The following ARK2N variants were observed in gnomAD, a reference collection of about 807,000 sequenced individuals.
The protein encoded by ARK2N is arkadia (RNF111) N-terminal like PKA signaling regulator 2N.
At chr18:46,228,759 C>T in the ARK2N span, 9 of 398,382 alleles carry the variant, frequency 2.3e-5, no homozygotes, top group Middle Eastern at 6.3e-4. Flanking sequence ...TTTGTAGGGA[C>T]GGGGTTCTGT....
the ARK2N span, among the ~76,000 whole-genome samples, chr18:46,250,321 A>C: frequency 6.6e-6 from 1 of 152,066 alleles, no homozygotes; most frequent in African/African-American, 2.4e-5. Flanking sequence ...TATTGGACAT[A>C]TTAAAGGCAC....
At chr18:46,220,362 T>TG in the ARK2N span, among the ~76,000 whole-genome samples, 2 of 152,240 alleles carry the variant, frequency 1.3e-5, no homozygotes, top group Non-Finnish European at 2.9e-5. Flanking sequence ...ATTTATGCAG[T>TG]GAGCTGCATC....
chr18:46,199,083 A>G, the ARK2N span, among the ~76,000 whole-genome samples: 1 of 152,184 alleles, frequency 6.6e-6, no homozygotes, highest in Non-Finnish European at 1.5e-5. Flanking sequence ...GCACGCAAAG[A>G]TTATGGATTT....
the ARK2N span, among the ~76,000 whole-genome samples, chr18:46,205,042 G>A: frequency 6.6e-6 from 1 of 151,648 alleles, no homozygotes; most frequent in South Asian, 2.1e-4. Context: ...CTCCTAGCTG[G>A]GACTACAGGA....
the ARK2N span, chr18:46,219,207 GA>G: frequency 6.6e-6 from 1 of 151,998 alleles, no homozygotes; most frequent in Admixed American, 6.6e-5. Flanking sequence ...TGTTTATGAC[GA>G]TTTTTTAAAG....
the ARK2N span, among the ~76,000 whole-genome samples, chr18:46,189,346 T>A: frequency 4.6e-5 from 7 of 152,298 alleles, no homozygotes; most frequent in Admixed American, 3.9e-4. Flanking sequence ...GTGCTTTTAT[T>A]TACACAAAAG....
the ARK2N span, among the ~76,000 whole-genome samples, chr18:46,192,325 G>A: frequency 4.6e-5 from 7 of 152,078 alleles, no homozygotes; most frequent in Admixed American, 4.6e-4. Context: ...TGTAATCCCA[G>A]CAATATGGGA....
the ARK2N span, among the ~76,000 whole-genome samples, chr18:46,196,778 A>C: frequency 2.0e-5 from 3 of 152,290 alleles, no homozygotes; most frequent in East Asian, 5.8e-4. Flanking sequence ...TTGAGGCTTC[A>C]GTTATTTGTA....
At chr18:46,200,979 C>CTTTTTTTCT in the ARK2N span, among the ~76,000 whole-genome samples, 1 of 112,862 alleles carries the variant, frequency 8.9e-6, no homozygotes, top group African/African-American at 3.1e-5. Flanking sequence ...TTTCTTTTTT[C>CTTTTTTTCT]TTTTTTTTTT....
the ARK2N span, among the ~76,000 whole-genome samples, chr18:46,233,966 GAAGAA>G: frequency 6.6e-6 from 1 of 152,032 alleles, no homozygotes; most frequent in Admixed American, 6.6e-5. Flanking sequence ...ATGTTATTCT[GAAGAA>G]AATAATACAC....
At chr18:46,263,129 C>T in the ARK2N span, 3 of 1,589,830 alleles carry the variant, frequency 1.9e-6, no homozygotes, top group African/African-American at 1.3e-5. Flanking sequence ...TACAATGTCA[C>T]TGTGTTTCCT....
chr18:46,225,192 C>T, the ARK2N span, among the ~76,000 whole-genome samples: 1 of 152,248 alleles, frequency 6.6e-6, no homozygotes, highest in Non-Finnish European at 1.5e-5. Flanking sequence ...TTTTCCCTGT[C>T]ACCCCATCAA....
the ARK2N span, among the ~76,000 whole-genome samples, chr18:46,185,559 A>G: frequency 6.6e-6 from 1 of 152,238 alleles, no homozygotes; most frequent in African/African-American, 2.4e-5. Context: ...TTTTGTGACA[A>G]TTGCTAAAGC....
At chr18:46,179,068 G>C in the ARK2N span, among the ~76,000 whole-genome samples, 1 of 151,594 alleles carries the variant, frequency 6.6e-6, no homozygotes, top group Non-Finnish European at 1.5e-5. Flanking sequence ...TCAGCCTCCC[G>C]AGTAGCTGGG....
the ARK2N span, among the ~76,000 whole-genome samples, chr18:46,185,793 C>A: frequency 2.0e-5 from 3 of 151,574 alleles, no homozygotes; most frequent in Non-Finnish European, 3.0e-5. Context: ...TTGAGACCAG[C>A]CTGGCCAACA....
the ARK2N span, among the ~76,000 whole-genome samples, chr18:46,258,435 G>A: frequency 1.1e-4 from 16 of 152,224 alleles, no homozygotes; most frequent in East Asian, 9.7e-4. Flanking sequence ...AAAGTTGACC[G>A]TCAGAGCCTG....
chr18:46,225,169 G>A, the ARK2N span, among the ~76,000 whole-genome samples: 1 of 152,234 alleles, frequency 6.6e-6, no homozygotes, highest in African/African-American at 2.4e-5. Flanking sequence ...GATGCAACTA[G>A]TTGGCCAAAG....
chr18:46,203,147 A>G, the ARK2N span, among the ~76,000 whole-genome samples: 2 of 152,344 alleles, frequency 1.3e-5, no homozygotes, highest in Middle Eastern at 3.4e-3. Flanking sequence ...GGGTATATAT[A>G]CAACAGAAAC....
chr18:46,256,381 A>G, the ARK2N span, among the ~76,000 whole-genome samples: 161 of 151,366 alleles, frequency 1.1e-3, no homozygotes, highest in African/African-American at 3.7e-3. Flanking sequence ...TTCTTTGTTC[A>G]ATGTTTCTTC....
Sources: gnomAD v4.1 joint callset for allele counts (sites outside exome capture counted in the v4.1 genomes callset) on GRCh38, gnomAD v4.1.1 for gene constraint, MANE v1.5 for transcripts, NCBI Gene and HGNC (gene_info 2026-07-23, HGNC 2026-07-21) for gene names.